The following CENPC variants were observed in gnomAD, a reference collection of about 807,000 sequenced individuals.
CENPC encodes centromere protein C.
Under a neutral mutation model 112.1 loss-of-function variants are expected in CENPC, and 63 were observed. The observed-to-expected ratio is 0.56, with a 90% confidence interval of 0.46 to 0.69. CENPC has a LOEUF of 0.69. CENPC is among the 30% of genes least tolerant of loss of function. The pLI, the probability that CENPC is intolerant of heterozygous loss-of-function variation, is 0.00. For synonymous variants in CENPC, 333 were observed against 367.6 expected, an observed-to-expected ratio of 0.91 and a Z score of 1.08; for missense variants, 1,000 against 1,103.8, an observed-to-expected ratio of 0.91 and a Z score of 1.33.
chr4:67,511,144 T>C (rs1393437912), intron 9 of CENPC: 1 of 437,264 alleles, frequency 2.3e-6, no homozygotes, highest in Non-Finnish European at 4.6e-6. Flanking sequence ...AATGAGGTAA[T>C]CATGTTACAG....
At chr4:67,539,050 C>T (rs1221496365) in intron 4 of CENPC, among the ~76,000 whole-genome samples, 1 of 152,124 alleles carries the variant, frequency 6.6e-6, no homozygotes, top group East Asian at 1.9e-4. Context: ...CAAAAAAAGA[C>T]AATATTATTC....
intron 5 of CENPC, among the ~76,000 whole-genome samples, chr4:67,524,111 G>A (rs1328823646): frequency 6.6e-6 from 1 of 151,300 alleles, no homozygotes; most frequent in Admixed American, 6.6e-5. Context: ...ACTATTGCAG[G>A]AAAAAAAACT....
In CENPC at chr4:67,469,212, T is replaced by TA. The variant is rs1225940493; in HGVS notation, c.*3392dup. 2.0e-5 allele frequency: 3 copies of TA among 152,056 alleles called. No homozygotes were observed. Among genetic ancestry groups the TA allele is most frequent in the African/African-American group, 4.8e-5 (2 of 41,394 alleles). 9.4% of individuals were successfully genotyped at this position (152,056 alleles called of 1,614,324 possible). ...CAACAATAAAAATTAGAAAAATCAT[T>TA]AAAAAAACTCTCATGGGTGATGCCC... On this transcript the variant is annotated 3_prime_UTR_variant, in exon 19 of 19. Coordinates refer to ENST00000273853, the MANE Select transcript of CENPC (RefSeq NM_001812.4).
At chr4:67,493,256 A>T in intron 14 of CENPC, 1 of 193,616 alleles carries the variant, frequency 5.2e-6, no homozygotes. Context: ...TCATCAGTGG[A>T]GGCTTTTAAA....
At chr4:67,497,840 T>TCTATA (rs1031860746) in intron 12 of CENPC, among the ~76,000 whole-genome samples, 3 of 152,114 alleles carry the variant, frequency 2.0e-5, no homozygotes, top group Non-Finnish European at 4.4e-5. Context: ...AAAAGTTATG[T>TCTATA]CTATACTATA....
chr4:67,525,938 T>TA (rs1726363762), intron 5 of CENPC, among the ~76,000 whole-genome samples: 1 of 152,156 alleles, frequency 6.6e-6, no homozygotes, highest in South Asian at 2.1e-4. Context: ...CCATCAATGA[T>TA]AGACTGGATA....
intron 17 of CENPC, among the ~76,000 whole-genome samples, chr4:67,489,689 T>C (rs1162811166): frequency 6.6e-6 from 1 of 152,108 alleles, no homozygotes; most frequent in African/African-American, 2.4e-5. Context: ...ACTAAAATTC[T>C]AATGATTTGT....
intron 5 of CENPC, among the ~76,000 whole-genome samples, chr4:67,530,411 T>A (rs1726511561): frequency 6.6e-6 from 1 of 151,278 alleles, no homozygotes; most frequent in South Asian, 2.1e-4. Context: ...CACAGACACA[T>A]ACAAACACAC....
intron 17 of CENPC, among the ~76,000 whole-genome samples, chr4:67,484,810 C>T (rs547592386): frequency 1.6e-4 from 25 of 152,194 alleles, no homozygotes; most frequent in African/African-American, 4.1e-4. Flanking sequence ...AGATTATCAC[C>T]GCACTGGGCG....
At chr4:67,501,311 C>T (rs1725584297) in intron 12 of CENPC, among the ~76,000 whole-genome samples, 1 of 151,884 alleles carries the variant, frequency 6.6e-6, no homozygotes, top group Non-Finnish European at 1.5e-5. Context: ...CCATCTCAAA[C>T]AAACAAACAA....
rs1170114630 is a variant in CENPC at position 67,492,292 on chromosome 4, A to G, written c.2420-17T>C. Reference sequence around the variant, plus strand: ...AGTTAGTCTCTGCAAAAGAAATACCATTGAAATACAAACTACTTACTTAAA... The same window carrying G: ...AGTTAGTCTCTGCAAAAGAAATACCGTTGAAATACAAACTACTTACTTAAA... On this transcript the variant is annotated splice_polypyrimidine_tract_variant and intron_variant, in intron 15 of 18. Coordinates refer to ENST00000273853, the MANE Select transcript of CENPC (RefSeq NM_001812.4). The G allele has an allele frequency of 2.7e-6, 4 of 1,464,018 alleles. No homozygotes were observed. The highest frequency in any genetic ancestry group is 3.7e-6 in the Non-Finnish European group (4 of 1,070,452). 90.7% of individuals were successfully genotyped at this position (1,464,018 alleles called of 1,614,324 possible). A position where few individuals can be genotyped will look rare whatever the true frequency, so the allele number is the denominator to read the frequency against.
chr4:67,490,126 G>A lies in CENPC; in HGVS notation c.2516-5C>T, dbSNP rs558512281. 1 of 1,582,130 alleles carries A rather than the reference G, an allele frequency of 6.3e-7. No individual in the cohort carries two copies. Among genetic ancestry groups the A allele is most frequent in the African/African-American group, 1.4e-5 (1 of 73,542 alleles). On this transcript the variant is annotated splice_polypyrimidine_tract_variant and splice_region_variant and intron_variant, in intron 16 of 18. Transcript: ENST00000273853. Reference sequence around the variant, plus strand: ...TATCTTGTGGCCTTACAAGATCTAGGAGTAAAACAGTAATACAAATATAAA... The same window carrying A: ...TATCTTGTGGCCTTACAAGATCTAGAAGTAAAACAGTAATACAAATATAAA...
rs144650757 is a variant in CENPC at position 67,477,450 on chromosome 4, A to C, written c.2671-2472T>G. 3.1e-3 allele frequency among the ~76,000 whole-genome samples: 476 copies of C among 152,304 alleles called. 1 individual carries two copies. Among genetic ancestry groups the C allele is most frequent in the African/African-American group, 0.011 (455 of 41,554 alleles). ...GCTGGGTAGCTAGACACAGAAGAGC[A>C]ATAGCAATCACTGCAGACTGCCTCT... On this transcript the variant is annotated intron_variant, in intron 17 of 18. Transcript: ENST00000273853.
chr4:67,521,241 C>T (rs368236648), intron 5 of CENPC, among the ~76,000 whole-genome samples: 1 of 141,080 alleles, frequency 7.1e-6, no homozygotes, highest in South Asian at 2.2e-4. Context: ...GATCAATAGA[C>T]ATAAATGAGA....
At position 67,480,027 on chromosome 4, in the gene CENPC, A is replaced by G. The variant is rs533105467; in HGVS notation, c.2671-5049T>C. On this transcript the variant is annotated intron_variant, in intron 17 of 18. Coordinates refer to ENST00000273853, the MANE Select transcript of CENPC (RefSeq NM_001812.4). The stretch of plus-strand genomic sequence containing the variant: ...GGTAATAAAAGAATTGTCAACAACA[A>G]AAAAAGTCCAGGCCGGGTATAGTGG... Among the ~76,000 whole-genome samples the G allele has an allele frequency of 9.8e-5, 15 of 152,314 alleles. No individual in the cohort carries two copies. In the South Asian group the frequency reaches 2.9e-3, roughly 29 times the overall value.
chr4:67,534,983 G>C (rs2109830285), intron 4 of CENPC, among the ~76,000 whole-genome samples: 1 of 152,138 alleles, frequency 6.6e-6, no homozygotes, highest in Non-Finnish European at 1.5e-5. Flanking sequence ...GATCACTAAA[G>C]ACAGATGACA....
chr4:67,483,164 C>G (rs977145532), intron 17 of CENPC, among the ~76,000 whole-genome samples: 6 of 152,132 alleles, frequency 3.9e-5, no homozygotes, highest in African/African-American at 9.7e-5. Context: ...TCAATTAAAC[C>G]TCTTTCCTTT....
At chr4:67,524,562 A>G (rs781177416) in intron 5 of CENPC, among the ~76,000 whole-genome samples, 4 of 152,172 alleles carry the variant, frequency 2.6e-5, no homozygotes, top group Non-Finnish European at 4.4e-5. Context: ...GAGCCAAAAC[A>G]TGAATGAACT....
At chr4:67,520,378 C>A (rs1726189063) in intron 5 of CENPC, among the ~76,000 whole-genome samples, 1 of 152,132 alleles carries the variant, frequency 6.6e-6, no homozygotes, top group East Asian at 1.9e-4. Flanking sequence ...CAGCCCAAGG[C>A]AACATTTTGA....
Sources: gnomAD v4.1 joint callset for allele counts (sites outside exome capture counted in the v4.1 genomes callset) on GRCh38, gnomAD v4.1.1 for gene constraint, MANE v1.5 for transcripts, NCBI Gene and HGNC (gene_info 2026-07-23, HGNC 2026-07-21) for gene names.